FBXO36: variants seen among roughly 807,000 people sequenced by gnomAD.
FBXO36 encodes the protein F-box protein 36.
A neutral mutation model predicts 17.0 loss-of-function variants in FBXO36; 18 were observed. That is an observed-to-expected ratio of 1.06 (90% CI 0.73 to 1.57). The LOEUF (loss-of-function observed/expected upper bound fraction) is 1.57. Ranked by LOEUF, FBXO36 falls within the 40% of genes most tolerant of loss-of-function variation. The pLI is 0.00. For missense variants in FBXO36, 229 were observed against 221.9 expected (o/e 1.03, Z -0.20); for synonymous variants, 83 against 85.3 (o/e 0.97, Z 0.15).
intron 2 of FBXO36, among the ~76,000 whole-genome samples, chr2:229,977,546 G>C (rs1219969868): frequency 1.3e-5 from 2 of 152,072 alleles, no homozygotes; most frequent in East Asian, 3.9e-4. Context: ...TACCTCCCAG[G>C]TTCAAGTAAT....
intron 1 of FBXO36, among the ~76,000 whole-genome samples, chr2:229,967,218 C>G (rs959071196): frequency 6.6e-5 from 10 of 152,182 alleles, no homozygotes; most frequent in African/African-American, 2.4e-4. Context: ...GATTTTTGCA[C>G]ATTGATTTTG....
intron 1 of FBXO36, among the ~76,000 whole-genome samples, chr2:229,922,889 GT>G (rs2076802094): frequency 6.6e-6 from 1 of 152,192 alleles, no homozygotes; most frequent in Non-Finnish European, 1.5e-5. Context: ...TACCCGTAGA[GT>G]TTCCTCCGCG....
intron 2 of FBXO36, among the ~76,000 whole-genome samples, chr2:229,981,624 C>T (rs1411469032): frequency 2.0e-5 from 3 of 149,374 alleles, no homozygotes; most frequent in Admixed American, 1.4e-4. Context: ...ATCACCTGAG[C>T]CTGGGAGGTC....
chr2:229,995,074 A>G (rs772024415), intron 2 of FBXO36, among the ~76,000 whole-genome samples: 2 of 152,094 alleles, frequency 1.3e-5, no homozygotes, highest in Non-Finnish European at 2.9e-5. Flanking sequence ...AGATCGTGCC[A>G]CTGCACTCCA....
chr2:229,981,749 T>A (rs935281214), intron 2 of FBXO36, among the ~76,000 whole-genome samples: 10 of 149,956 alleles, frequency 6.7e-5, no homozygotes, highest in South Asian at 2.1e-4. Flanking sequence ...AAAAAAAAAA[T>A]TCCCAGCATG....
At chr2:229,964,137 A>G (rs1159337684) in intron 1 of FBXO36, among the ~76,000 whole-genome samples, 2 of 151,954 alleles carry the variant, frequency 1.3e-5, no homozygotes, top group Non-Finnish European at 2.9e-5. Context: ...TGTAATGTTA[A>G]TTGCAAATGT....
At chr2:229,931,351 C>G (rs1320620769) in intron 1 of FBXO36, among the ~76,000 whole-genome samples, 3 of 152,134 alleles carry the variant, frequency 2.0e-5, no homozygotes, top group African/African-American at 7.2e-5. Flanking sequence ...TACAGTGACA[C>G]AGATTTGCTT....
At chr2:229,967,610 G>A (rs576116521) in intron 1 of FBXO36, among the ~76,000 whole-genome samples, 3 of 152,258 alleles carry the variant, frequency 2.0e-5, no homozygotes, top group Middle Eastern at 6.8e-3. Context: ...TTCATCAGAG[G>A]CCTTTTCTGC....
chr2:229,974,465 A>C (rs943157726), intron 1 of FBXO36, among the ~76,000 whole-genome samples: 21 of 152,208 alleles, frequency 1.4e-4, no homozygotes, highest in African/African-American at 4.1e-4. Context: ...AATCAGTACC[A>C]GAGGGTTCAT....
chr2:229,963,691 G>A (rs1004926414), intron 1 of FBXO36, among the ~76,000 whole-genome samples: 20 of 150,980 alleles, frequency 1.3e-4, no homozygotes, highest in Admixed American at 9.2e-4. Flanking sequence ...TGATCTACCC[G>A]CCTCGGCCTC....
At chr2:229,999,001 A>C (rs1180900627) in intron 3 of FBXO36, among the ~76,000 whole-genome samples, 1 of 150,738 alleles carries the variant, frequency 6.6e-6, no homozygotes, top group African/African-American at 2.4e-5. Flanking sequence ...ACGGGGTTTC[A>C]CCGTGTTAGC....
At chr2:229,932,077 C>A (rs1377984979) in intron 1 of FBXO36, among the ~76,000 whole-genome samples, 3 of 151,958 alleles carry the variant, frequency 2.0e-5, no homozygotes, top group Non-Finnish European at 2.9e-5. Context: ...TTCCACCATG[C>A]CCAGCTAAGA....
chr2:229,971,189 A>G (rs576527259), intron 1 of FBXO36, among the ~76,000 whole-genome samples: 2 of 152,160 alleles, frequency 1.3e-5, no homozygotes, highest in East Asian at 1.9e-4. Flanking sequence ...CCCCGTCTCT[A>G]CTAAAAATAT....
At position 229,939,062 on chromosome 2, in the gene FBXO36, T is replaced by TG. The variant is rs943795372; in HGVS notation, c.96+16453_96+16454insG. On this transcript the variant is annotated intron_variant, in intron 1 of 3. Coordinates refer to ENST00000283946, the MANE Select transcript of FBXO36 (RefSeq NM_174899.5). ...CTTTTTTTTGGTTTGTTTTTTGTTT[T>TG]TTTTTTTTTTTGAGGAGTTTCGCTC... The TG allele has an allele frequency of 4.9e-5, 8 of 161,754 alleles. No homozygotes were observed. In the East Asian group the frequency reaches 9.8e-4, roughly 20 times the overall value. 10.0% of individuals were successfully genotyped at this position (161,754 alleles called of 1,614,324 possible).
At chr2:230,003,296 C>G (rs1203748303) in intron 3 of FBXO36, among the ~76,000 whole-genome samples, 1 of 149,274 alleles carries the variant, frequency 6.7e-6, no homozygotes, top group African/African-American at 2.5e-5. Context: ...TCTTATTTGA[C>G]AAAATGTGAA....
At chr2:229,995,592 C>CTTTTTTTTTTTTTTT (rs748422157) in intron 2 of FBXO36, among the ~76,000 whole-genome samples, 9 of 114,546 alleles carry the variant, frequency 7.9e-5, no homozygotes, top group Admixed American at 9.7e-5. Flanking sequence ...CTCTTTCTTT[C>CTTTTTTTTTTTTTTT]TTTCTTTTTT....
intron 1 of FBXO36, among the ~76,000 whole-genome samples, chr2:229,937,248 A>G (rs1015145351): frequency 3.9e-5 from 6 of 152,134 alleles, no homozygotes; most frequent in Non-Finnish European, 7.4e-5. Flanking sequence ...TAATCCCAGC[A>G]CTTTAGGAGG....
intron 3 of FBXO36, 40 bp downstream of exon 3, chr2:229,996,963 T>C (rs756788593): frequency 2.5e-6 from 4 of 1,571,686 alleles, no homozygotes; most frequent in South Asian, 2.4e-5. Flanking sequence ...GAATTTTCCA[T>C]GTGCTTTCTA....
At chr2:229,988,893 G>A (rs2077284308) in intron 2 of FBXO36, among the ~76,000 whole-genome samples, 1 of 132,980 alleles carries the variant, frequency 7.5e-6, no homozygotes, top group Non-Finnish European at 1.6e-5. Context: ...GAGTATATAT[G>A]CTTTATACTA....
Sources: gnomAD v4.1 joint callset for allele counts (sites outside exome capture counted in the v4.1 genomes callset) on GRCh38, gnomAD v4.1.1 for gene constraint, MANE v1.5 for transcripts, NCBI Gene and HGNC (gene_info 2026-07-23, HGNC 2026-07-21) for gene names.